The following CHAD variants were observed in gnomAD, a reference collection of about 807,000 sequenced individuals.
The protein encoded by CHAD is chondroadherin.
Under a neutral mutation model 24.0 loss-of-function variants are expected in CHAD, and 18 were observed. The observed-to-expected ratio is 0.75, with a 90% CI of 0.52 to 1.11. CHAD has a LOEUF of 1.11. CHAD is among the 50% of genes most tolerant of loss of function. CHAD has a pLI of 0.00. For synonymous variants in CHAD, 195 were observed against 211.6 expected (o/e 0.92, Z 0.68); for missense variants, 440 against 467.2 (o/e 0.94, Z 0.54).
Position 50,468,073 on chromosome 17 carries a change from C to G in CHAD, c.741G>C (p.Glu247Asp). Residue 247 changes from glutamate (E) to aspartate (D), a missense_variant, in exon 1 of 4, where the codon GAG becomes GAC. Physicochemically the swap from Glu to Asp is conservative, Grantham distance 45. Coordinates refer to ENST00000508540, the MANE Select transcript of CHAD (RefSeq NM_001267.3). ...NAFQSFGRYL[E>D]TLWLDNTNLE... is the part of the protein sequence containing the mutation. Reference sequence around the variant, plus strand: ...GGTTGGTGTTGTCCAGCCAGAGGGTCTCCAGGTATCTGCCAAAGGACTGGA... The same window carrying G: ...GGTTGGTGTTGTCCAGCCAGAGGGTGTCCAGGTATCTGCCAAAGGACTGGA... 6.2e-7 allele frequency: 1 copy of G among 1,608,844 alleles called. No individual in the cohort carries two copies. The highest frequency in any genetic ancestry group is 8.5e-7 in the Non-Finnish European group (1 of 1,176,312).
In CHAD at chr17:50,464,767, CTT is replaced by C; in HGVS notation, c.*285_*286del. 7.4e-6 allele frequency: 1 copy of C among 135,994 alleles called. No homozygotes were observed. The highest frequency in any genetic ancestry group is 1.4e-5 in the Non-Finnish European group (1 of 71,678). 8.4% of individuals were successfully genotyped at this position (135,994 alleles called of 1,614,324 possible). On this transcript the variant is annotated 3_prime_UTR_variant, in exon 4 of 4. Coordinates refer to ENST00000508540, the MANE Select transcript of CHAD (RefSeq NM_001267.3). ...ACCAACCTGTTGTGGTTCTGATTGA[CTT>C]GGGGGGGGGGTCTCAGCAACAGCTT...
In CHAD at chr17:50,465,030, A is replaced by G; in HGVS notation, c.*24T>C. 2.1e-6 allele frequency: 1 copy of G among 487,144 alleles called. No individual in the cohort carries two copies. Among genetic ancestry groups the G allele is most frequent in the South Asian group, 2.2e-5 (1 of 44,630 alleles). The allele number at this position is 487,144 out of a possible 1,614,324, so 30.2% of individuals were successfully genotyped here. On this transcript the variant is annotated 3_prime_UTR_variant, in exon 4 of 4. Coordinates refer to ENST00000508540, the MANE Select transcript of CHAD (RefSeq NM_001267.3). The stretch of plus-strand genomic sequence containing the variant: ...CGGTGGAAGGCAGAGGCCAGTCACC[A>G]GGACTGGCTGGGTCAGAACCTGCAA...
At chr17:50,465,582 C>A in intron 2 of CHAD, 125 bp downstream of exon 2, 2 of 1,459,156 alleles carry the variant, frequency 1.4e-6, no homozygotes, top group East Asian at 2.3e-5. Flanking sequence ...GAAACTGAGG[C>A]TCCCAGGGTC....
At chr17:50,466,407 T>C (rs925668167) in intron 1 of CHAD, among the ~76,000 whole-genome samples, 2 of 152,144 alleles carry the variant, frequency 1.3e-5, no homozygotes, top group African/African-American at 4.8e-5. Flanking sequence ...TTATTTTCAA[T>C]ATGCAAATGG....
In CHAD at chr17:50,468,209, A is replaced by G; in HGVS notation, c.605T>C (p.Val202Ala). Residue 202 changes from valine to alanine, a missense_variant, in exon 1 of 4, where the codon GTG (valine) becomes GCG (alanine). By Grantham distance (64) the Val-to-Ala change is moderately conservative (BLOSUM62 0). Transcript: ENST00000508540. Reference sequence around the variant, plus strand: ...GTAGCTGGACAGCTGGTTCCTGTCCACGTGGAATTTGGCGAGGTTCTCCAC... The same window carrying G: ...GTAGCTGGACAGCTGGTTCCTGTCCGCGTGGAATTTGGCGAGGTTCTCCAC... ...DDVENLAKFH[V>A]DRNQLSSYPS... The G allele has an allele frequency of 2.5e-6, 4 of 1,613,262 alleles. No homozygotes were observed. The highest frequency in any genetic ancestry group is 3.4e-6 in the Non-Finnish European group (4 of 1,179,328).
chr17:50,467,534 TCA>T (rs1460592259), intron 1 of CHAD, among the ~76,000 whole-genome samples: 1 of 152,050 alleles, frequency 6.6e-6, no homozygotes, highest in Non-Finnish European at 1.5e-5. Context: ...TTGCTTCCCC[TCA>T]CTCCCCAGTC....
rs1241305082 is a variant in CHAD at position 50,465,379 on chromosome 17, C to T, written c.999G>A (p.Lys333=). ...DATCASPAKF[K]GQHIRDTDAF... ...CGTCCGTGTCACGGATGTGCTGGCC[C>T]TTGAACTTGGCAGGTGAGGCACAGG... The change falls in exon 3 of 4, where the codon AAG becomes AAA. Residue 333 remains lysine, a synonymous_variant. Coordinates refer to ENST00000508540, the MANE Select transcript of CHAD (RefSeq NM_001267.3). 1 of 1,614,036 alleles carries T rather than the reference C, an allele frequency of 6.2e-7. No individual in the cohort carries two copies. The highest frequency in any genetic ancestry group is 8.5e-7 in the Non-Finnish European group (1 of 1,180,012).
At chr17:50,465,955 T>C (rs2032681901) in intron 1 of CHAD, 85 bp from the exon 2 acceptor site, 2 of 1,475,208 alleles carry the variant, frequency 1.4e-6, no homozygotes, top group Admixed American at 3.4e-5. Flanking sequence ...GGCAGGATCC[T>C]TCCCTGAACC....
chr17:50,464,879 A>C lies in CHAD; in HGVS notation c.*175T>G. 2.9e-6 allele frequency: 1 copy of C among 347,560 alleles called. No individual in the cohort carries two copies. The highest frequency in any genetic ancestry group is 5.6e-6 in the Non-Finnish European group (1 of 177,878). The allele number at this position is 347,560 out of a possible 1,614,324, so 21.5% of individuals were successfully genotyped here. On this transcript the variant is annotated 3_prime_UTR_variant, in exon 4 of 4. Transcript: ENST00000508540. ...TTCTCCCCAGGACACTGCTGGGTGG[A>C]GCTGGGTTGGTAGTGGAGTGCCCGA...
At position 50,468,525 on chromosome 17, in the gene CHAD, C is replaced by T. The variant is rs140941589; in HGVS notation, c.289G>A (p.Gly97Ser). ...IREVAAGAFR[G>S]LKQLIYLYLS... ...TACAAGTAGATAAGTTGCTTGAGGCCGCGGAAGGCACCGGCGGCCACCTCG... is the reference window on the plus strand; with the variant it reads ...TACAAGTAGATAAGTTGCTTGAGGCTGCGGAAGGCACCGGCGGCCACCTCG... Residue 97 changes from glycine (G) to serine (S), a missense_variant, in exon 1 of 4, where the codon GGC becomes AGC. Transcript: ENST00000508540. 6.8e-6 allele frequency: 11 copies of T among 1,614,122 alleles called. No homozygotes were observed. The African/African-American group carries it at 8.0e-5, about 12-fold the overall frequency.
At chr17:50,467,077 C>T (rs2096160411) in intron 1 of CHAD, among the ~76,000 whole-genome samples, 1 of 152,210 alleles carries the variant, frequency 6.6e-6, no homozygotes. Context: ...CTTGTTGGTT[C>T]CCCACCCAAA....
chr17:50,465,007 G>A lies in CHAD; in HGVS notation c.*47C>T. On this transcript the variant is annotated 3_prime_UTR_variant, in exon 4 of 4. Coordinates refer to ENST00000508540, the MANE Select transcript of CHAD (RefSeq NM_001267.3). ...GGTGAGAAGGTCAGTAGTCTCTCCGGTGGAAGGCAGAGGCCAGTCACCAGG... is the reference window on the plus strand; with the variant it reads ...GGTGAGAAGGTCAGTAGTCTCTCCGATGGAAGGCAGAGGCCAGTCACCAGG... The A allele has an allele frequency of 2.3e-6, 1 of 443,892 alleles. No homozygotes were observed. The highest frequency in any genetic ancestry group is 4.1e-6 in the Non-Finnish European group (1 of 241,196). 27.5% of individuals were successfully genotyped at this position (443,892 alleles called of 1,614,324 possible).
rs747134958 is a variant in CHAD, at chr17:50,468,579, A to C, written c.235T>G (p.Ser79Ala). The change falls in exon 1 of 4, where the codon TCA (serine) becomes GCA (alanine). Residue 79 changes from serine (S) to alanine (A), a missense_variant. By Grantham distance (99) the Ser-to-Ala change is moderately conservative. Transcript: ENST00000508540. ...ATCTGGCAGTGCTGCAGGTGCAATG[A>C]CACGAGGTTCGGCATGGCCCGGAAC... ...NSFRAMPNLV[S>A]LHLQHCQIRE... 1.2e-6 allele frequency: 2 copies of C among 1,614,208 alleles called. No homozygotes were observed. The highest frequency in any genetic ancestry group is 2.2e-5 in the South Asian group (2 of 91,092).
intron 2 of CHAD, 59 bp from the exon 3 acceptor site, chr17:50,465,498 G>A: frequency 6.3e-7 from 1 of 1,592,794 alleles, no homozygotes; most frequent in Non-Finnish European, 8.6e-7. Context: ...GGGGGGAAGG[G>A]CAGTGAACTA....
rs780881567 is a variant in CHAD at position 50,468,343 on chromosome 17, G to C, written c.471C>G (p.Asn157Lys). 17 of 1,613,982 alleles carry C rather than the reference G, an allele frequency of 1.1e-5. No homozygotes were observed. Among genetic ancestry groups the C allele is most frequent in the East Asian group, 4.5e-5 (2 of 44,888 alleles). The change falls in exon 1 of 4, where the codon AAC becomes AAG. Residue 157 changes from asparagine to lysine, a missense_variant. Transcript: ENST00000508540. The part of the protein sequence containing the change: ...VNLFILQLNN[N>K]KIRELRAGAF... ...CGCCTGCGCGCAGCTCACGGATCTT[G>C]TTGTTGTTGAGCTGCAAGATGAAGA...
At chr17:50,467,909 T>G (rs941738446) in intron 1 of CHAD, 131 bp downstream of exon 1, 2 of 876,976 alleles carry the variant, frequency 2.3e-6, no homozygotes, top group African/African-American at 3.4e-5. Flanking sequence ...GTGGCAGAGC[T>G]GCTCACCTTG....
At position 50,464,538 on chromosome 17, in the gene CHAD, G is replaced by C; in HGVS notation, c.*516C>G. On this transcript the variant is annotated 3_prime_UTR_variant, in exon 4 of 4. Transcript: ENST00000508540. ...TTTATATTTATAGAAATCTCAGGAA[G>C]AAATTGCAGCATGGGAAGATGGACA... 1 of 650,240 alleles carries C rather than the reference G, an allele frequency of 1.5e-6. No individual in the cohort carries two copies. The highest frequency in any genetic ancestry group is 2.8e-6 in the Non-Finnish European group (1 of 352,882). The allele number at this position is 650,240 out of a possible 1,614,324, so 40.3% of individuals were successfully genotyped here.
At chr17:50,467,578 C>T (rs2032818466) in intron 1 of CHAD, among the ~76,000 whole-genome samples, 1 of 152,180 alleles carries the variant, frequency 6.6e-6, no homozygotes. Context: ...ATGCACAGCC[C>T]CCACCAGGAA....
At chr17:50,467,276 A>T (rs943028590) in intron 1 of CHAD, among the ~76,000 whole-genome samples, 7 of 152,202 alleles carry the variant, frequency 4.6e-5, no homozygotes, top group African/African-American at 1.7e-4. Context: ...GTCTGGAGAC[A>T]GTGAGTCACG....
Sources: gnomAD v4.1 joint callset for allele counts (sites outside exome capture counted in the v4.1 genomes callset) on GRCh38, gnomAD v4.1.1 for gene constraint, MANE v1.5 for transcripts, NCBI Gene and HGNC (gene_info 2026-07-23, HGNC 2026-07-21) for gene names.